SIK3: variants seen among roughly 807,000 people sequenced by gnomAD.
SIK3 encodes the protein SIK family kinase 3.
SIK3 carries 28 observed loss-of-function variants against 144.2 expected under a neutral mutation model. The ratio of observed to expected loss-of-function variants is 0.19; its 90% confidence interval spans 0.14 to 0.27. The LOEUF (loss-of-function observed/expected upper bound fraction) is 0.27, where lower values mean the gene tolerates loss of function less well. SIK3 is among the 10% of genes least tolerant of loss of function. The pLI is 1.00. For missense variants in SIK3, 1,319 were observed against 1,776.0 expected (o/e 0.74, Z 4.62); for synonymous variants, 686 against 676.3 (o/e 1.01, Z -0.22).
At chr11:116,984,339 C>G (rs1950253820) in intron 1 of SIK3, among the ~76,000 whole-genome samples, 1 of 152,142 alleles carries the variant, frequency 6.6e-6, no homozygotes, top group Non-Finnish European at 1.5e-5. Context: ...TCATCTTGAG[C>G]AATATGACCT....
chr11:116,847,185 G>C (rs1026458146), intron 23 of SIK3, among the ~76,000 whole-genome samples: 1 of 152,178 alleles, frequency 6.6e-6, no homozygotes, highest in African/African-American at 2.4e-5. Context: ...TGTGCCATTA[G>C]GACCTGATGC....
chr11:117,053,513 T>C (rs1475580271), intron 1 of SIK3, among the ~76,000 whole-genome samples: 1 of 152,146 alleles, frequency 6.6e-6, no homozygotes, highest in Non-Finnish European at 1.5e-5. Flanking sequence ...ATATTACTCA[T>C]TTGTTATAAA....
chr11:116,875,611 AGAG>A, intron 9 of SIK3, 160 bp from the exon 10 acceptor site: 1 of 834,190 alleles, frequency 1.2e-6, no homozygotes, highest in South Asian at 1.8e-5. Context: ...CATCCTGTGA[AGAG>A]GATAGCATCG....
chr11:116,885,373 T>C lies in SIK3; in HGVS notation c.866-8331A>G, dbSNP rs535734352. ...TTATTAGAAAAATGACACCTATTTC[T>C]TGAACTTCCTTACTTTCGATCAGTT... On this transcript the variant is annotated intron_variant, in intron 6 of 24. Coordinates refer to ENST00000445177, the MANE Select transcript of SIK3 (RefSeq NM_001366686.3). Among the ~76,000 whole-genome samples the C allele has an allele frequency of 2.6e-5, 4 of 152,308 alleles. No homozygotes were observed. In the East Asian group the frequency reaches 7.7e-4, roughly 29 times the overall value.
intron 1 of SIK3, among the ~76,000 whole-genome samples, chr11:117,077,012 C>T (rs1050375816): frequency 6.6e-6 from 1 of 152,096 alleles, no homozygotes; most frequent in Non-Finnish European, 1.5e-5. Context: ...AACCACTAGC[C>T]AAGTGCAATG....
chr11:116,930,757 G>C (rs2135163023), intron 3 of SIK3, among the ~76,000 whole-genome samples: 1 of 152,058 alleles, frequency 6.6e-6, no homozygotes, highest in Admixed American at 6.6e-5. Context: ...CCCCTAGCTA[G>C]AGTCCTGCCC....
chr11:116,989,206 T>TC (rs1451919988), intron 1 of SIK3, among the ~76,000 whole-genome samples: 60 of 152,218 alleles, frequency 3.9e-4, no homozygotes, highest in African/African-American at 1.1e-3. Flanking sequence ...CTTTTTTTTT[T>TC]CCCCGCATGT....
chr11:116,930,754 C>T (rs1017963464), intron 3 of SIK3, among the ~76,000 whole-genome samples: 3 of 152,088 alleles, frequency 2.0e-5, no homozygotes, highest in Admixed American at 2.0e-4. Flanking sequence ...ATGCCCCTAG[C>T]TAGAGTCCTG....
chr11:116,976,868 G>A (rs3016611), intron 1 of SIK3, among the ~76,000 whole-genome samples: 5,461 of 152,180 alleles, frequency 0.036, 189 homozygotes, highest in East Asian at 0.082. Context: ...ATAACAACAG[G>A]TAAATATAAC....
chr11:116,849,150 G>T lies in SIK3; in HGVS notation c.3789C>A (p.His1263Gln). The T allele has an allele frequency of 6.2e-7, 1 of 1,610,536 alleles. No homozygotes were observed. The highest frequency in any genetic ancestry group is 8.5e-7 in the Non-Finnish European group (1 of 1,177,418). The change falls in exon 22 of 25, where the codon CAC (histidine) becomes CAA (glutamine). Residue 1263 changes from histidine to glutamine, a missense_variant. By Grantham distance (24) the His-to-Gln change is conservative. This residue lies in a region of SIK3 where 646 missense variants were observed against 763.7 expected (regional missense o/e 0.85). Transcript: ENST00000445177. This position sits in a 1 kb window ranked among gnomAD's most constrained non-coding sequence, Gnocchi z 4.2. The stretch of plus-strand genomic sequence containing the variant: ...CATCGTCGCTGTTCTGGATCGTGTG[G>T]TGTCTCTGGAGGGCCCGGGGCCTGT... ...EHHRPRALQRHHTIQNSDDAY... is the reference protein window; with the variant it reads ...EHHRPRALQRQHTIQNSDDAY...
At chr11:116,920,650 C>T (rs1300920496) in intron 4 of SIK3, among the ~76,000 whole-genome samples, 5 of 152,206 alleles carry the variant, frequency 3.3e-5, no homozygotes, top group Non-Finnish European at 7.3e-5. Flanking sequence ...CTCTCCTCTA[C>T]ACCTGATCAT....
chr11:116,870,461 T>C, intron 13 of SIK3, 60 bp from the exon 14 acceptor site: 2 of 1,609,814 alleles, frequency 1.2e-6, no homozygotes, highest in Non-Finnish European at 1.7e-6. Context: ...TGCCTCTTAC[T>C]CTAGTAACTG....
intron 1 of SIK3, among the ~76,000 whole-genome samples, chr11:117,095,192 T>TAAA (rs3057848): frequency 7.4e-5 from 9 of 122,168 alleles, no homozygotes; most frequent in Non-Finnish European, 1.4e-4. Flanking sequence ...CATGTGTGTT[T>TAAA]AAAAAAAAAA....
chr11:117,004,491 G>A (rs181965322), intron 1 of SIK3, among the ~76,000 whole-genome samples: 1 of 152,188 alleles, frequency 6.6e-6, no homozygotes, highest in East Asian at 1.9e-4. Context: ...ACTCCAGCCT[G>A]GGTGACAAAG....
chr11:116,869,526 C>A (rs1379478839), intron 14 of SIK3: 1 of 152,340 alleles, frequency 6.6e-6, no homozygotes, highest in East Asian at 1.9e-4. Context: ...TCCCCAAAAG[C>A]CCATGAAAAC....
intron 4 of SIK3, among the ~76,000 whole-genome samples, chr11:116,911,838 T>G (rs1476516244): frequency 1.3e-5 from 2 of 152,194 alleles, no homozygotes; most frequent in East Asian, 3.8e-4. Flanking sequence ...ATAAAATACT[T>G]GATATCCCTT....
chr11:117,079,960 G>A (rs1007049814), intron 1 of SIK3, among the ~76,000 whole-genome samples: 1 of 152,010 alleles, frequency 6.6e-6, no homozygotes, highest in African/African-American at 2.4e-5. Context: ...TTTGAATTTG[G>A]GAGGCAGAGG....
chr11:117,038,907 A>C (rs1952625919), intron 1 of SIK3, among the ~76,000 whole-genome samples: 1 of 151,832 alleles, frequency 6.6e-6, no homozygotes, highest in South Asian at 2.1e-4. Context: ...AAAATTAGCC[A>C]GGCATGGTGG....
intron 13 of SIK3, among the ~76,000 whole-genome samples, chr11:116,873,262 G>A (rs1413155667): frequency 6.6e-6 from 1 of 152,186 alleles, no homozygotes; most frequent in Non-Finnish European, 1.5e-5. Context: ...CTCCAGGAGT[G>A]GAGTTCAATG....
Sources: allele counts gnomAD v4.1 joint callset (sites outside exome capture counted in the v4.1 genomes callset), GRCh38; gene constraint gnomAD v4.1.1; regional missense constraint gnomAD v4.1.1; non-coding constraint Gnocchi (gnomAD v3.1); transcripts MANE v1.5; gene names NCBI Gene and HGNC (gene_info 2026-07-23, HGNC 2026-07-21).